Variants in CTNNA3 observed in about 807,000 individuals in gnomAD.
The protein encoded by CTNNA3 is catenin alpha 3, also known as catenin alpha-3.
A neutral mutation model predicts 95.7 loss-of-function variants in CTNNA3; 76 were observed. That is an observed-to-expected ratio of 0.79 (90% confidence interval 0.66 to 0.96). The LOEUF (loss-of-function observed/expected upper bound fraction) is 0.96. Ranked by LOEUF, CTNNA3 falls within the 40% of genes least tolerant of loss-of-function variation. CTNNA3 has a pLI of 0.00. For synonymous variants in CTNNA3, 431 were observed against 374.4 expected (o/e 1.15, Z -1.74); for missense variants, 1,191 against 1,089.8 (o/e 1.09, Z -1.31).
At chr10:66,254,499 C>T (rs567028575) in intron 13 of CTNNA3, among the ~76,000 whole-genome samples, 77 of 152,250 alleles carry the variant, frequency 5.1e-4, no homozygotes, top group African/African-American at 1.8e-3. Flanking sequence ...GAAAATCCAC[C>T]GCTTCACACT....
chr10:66,912,533 G>T (rs1038055738), intron 7 of CTNNA3, among the ~76,000 whole-genome samples: 2 of 152,108 alleles, frequency 1.3e-5, no homozygotes, highest in Non-Finnish European at 2.9e-5. Context: ...ATTTAAGTTT[G>T]CAAAGTTATA....
intron 4 of CTNNA3, among the ~76,000 whole-genome samples, chr10:67,524,658 A>G (rs1450116171): frequency 6.6e-6 from 1 of 152,174 alleles, no homozygotes; most frequent in African/African-American, 2.4e-5. Context: ...TCATTCATTT[A>G]AGCAGTTTTT....
At position 66,130,426 on chromosome 10, in the gene CTNNA3, G is replaced by GTT. The variant is rs201188978; in HGVS notation, c.1885-27179_1885-27178dup. ...CAAAACATCAACAAAATCAGGATCTGTTTTTTTTTTTTGGAAAAATTAATA... is the reference window on the plus strand; with the variant it reads ...CAAAACATCAACAAAATCAGGATCTGTTTTTTTTTTTTTTGGAAAAATTAATA... On this transcript the variant is annotated intron_variant, in intron 13 of 17. Transcript: ENST00000433211. Among the ~76,000 whole-genome samples the GTT allele has an allele frequency of 1.3e-3, 188 of 142,180 alleles. 1 individual carries two copies. Among genetic ancestry groups the GTT allele is most frequent in the South Asian group, 0.011 (49 of 4,550 alleles). The allele number at this position is 142,180 out of a possible 152,430, so 93.3% of individuals were successfully genotyped here.
intron 15 of CTNNA3, among the ~76,000 whole-genome samples, chr10:66,036,327 C>T (rs1399022616): frequency 1.3e-5 from 2 of 152,052 alleles, no homozygotes; most frequent in South Asian, 2.1e-4. Context: ...CTCTAGACGG[C>T]GAAAACCATG....
intron 16 of CTNNA3, among the ~76,000 whole-genome samples, chr10:65,988,377 T>A (rs570276099): frequency 6.6e-6 from 1 of 151,982 alleles, no homozygotes; most frequent in Non-Finnish European, 1.5e-5. Flanking sequence ...GAAAGAAATA[T>A]AATGTATCAA....
rs115176786 is a variant in CTNNA3, at chr10:66,343,238, G to A, written c.1732+35914C>T. Among the ~76,000 whole-genome samples, 1,326 of 152,062 alleles carry A rather than the reference G, an allele frequency of 8.7e-3. 25 individuals carry two copies. The highest frequency in any genetic ancestry group is 0.031 in the African/African-American group (1,275 of 41,502). On this transcript the variant is annotated intron_variant, in intron 12 of 17. Coordinates refer to ENST00000433211, the MANE Select transcript of CTNNA3 (RefSeq NM_013266.4). ...CCTGGTACTGGTAATTTATCCAAAA[G>A]AAATTAAATCATTATATCAAAGAGA...
At chr10:66,360,816 C>CCTTTTTCTTTCTTTCTTT in intron 12 of CTNNA3, among the ~76,000 whole-genome samples, 1 of 50,276 alleles carries the variant, frequency 2.0e-5, no homozygotes, top group South Asian at 1.1e-3. Flanking sequence ...TTCCTTCCTT[C>CCTTTTTCTTTCTTTCTTT]CTTTCTTTCT....
At chr10:66,500,323 T>A (rs1337531165) in intron 11 of CTNNA3, among the ~76,000 whole-genome samples, 1 of 152,108 alleles carries the variant, frequency 6.6e-6, no homozygotes, top group East Asian at 1.9e-4. Context: ...TCACCACACA[T>A]GTTTTTGCTA....
intron 7 of CTNNA3, among the ~76,000 whole-genome samples, chr10:66,780,366 G>A (rs1840479453): frequency 6.7e-6 from 1 of 148,376 alleles, no homozygotes; most frequent in Non-Finnish European, 1.5e-5. Context: ...TGCAATGGCA[G>A]TCAGGATAAA....
At chr10:67,506,425 C>T (rs1224198114) in intron 5 of CTNNA3, among the ~76,000 whole-genome samples, 1 of 152,050 alleles carries the variant, frequency 6.6e-6, no homozygotes, top group Non-Finnish European at 1.5e-5. Context: ...GTTTAGAGAG[C>T]AAAAATAAGT....
intron 7 of CTNNA3, among the ~76,000 whole-genome samples, chr10:66,962,501 C>G (rs1231921852): frequency 2.0e-5 from 3 of 151,936 alleles, no homozygotes; most frequent in Non-Finnish European, 4.4e-5. Flanking sequence ...TCTCCATCTC[C>G]CGGGTTCAAG....
chr10:67,006,950 C>T (rs754575857), intron 7 of CTNNA3, among the ~76,000 whole-genome samples: 6 of 152,106 alleles, frequency 3.9e-5, no homozygotes, highest in Admixed American at 1.3e-4. Context: ...TGTGCCACCA[C>T]GTCCAGCTAA....
intron 9 of CTNNA3, among the ~76,000 whole-genome samples, chr10:66,630,072 C>G (rs2132341151): frequency 6.6e-6 from 1 of 152,162 alleles, no homozygotes; most frequent in African/African-American, 2.4e-5. Context: ...AAGCAGGGAC[C>G]ACCCCTGTAT....
In CTNNA3 at chr10:66,515,345, C is replaced by CTCTCTCTCTCTA. The variant is rs558913767; in HGVS notation, c.1531+5271_1531+5272insTAGAGAGAGAGA. On this transcript the variant is annotated intron_variant, in intron 11 of 17. Coordinates refer to ENST00000433211, the MANE Select transcript of CTNNA3 (RefSeq NM_013266.4). ...TCCCTCTCTGTCTCTCTCTCTCTCT[C>CTCTCTCTCTCTA]TATATATATATATAGTATTAGTATT... Among the ~76,000 whole-genome samples the CTCTCTCTCTCTA allele has an allele frequency of 6.2e-3, 921 of 148,980 alleles. 8 individuals are homozygous for CTCTCTCTCTCTA. Among genetic ancestry groups the CTCTCTCTCTCTA allele is most frequent in the African/African-American group, 0.02 (824 of 40,556 alleles).
chr10:67,072,171 C>G (rs1381169408), intron 7 of CTNNA3, among the ~76,000 whole-genome samples: 1 of 152,162 alleles, frequency 6.6e-6, no homozygotes, highest in Non-Finnish European at 1.5e-5. Context: ...TCAGGCTGGT[C>G]TCGAACTGCT....
intron 7 of CTNNA3, among the ~76,000 whole-genome samples, chr10:66,852,501 AC>A (rs535698360): frequency 6.0e-4 from 92 of 152,320 alleles, no homozygotes; most frequent in African/African-American, 2.1e-3. Flanking sequence ...AGGTACAGGA[AC>A]AAAAATTTGA....
chr10:66,142,072 C>T (rs3858141), intron 13 of CTNNA3, among the ~76,000 whole-genome samples: 26,611 of 152,042 alleles, frequency 0.18, 2,776 homozygotes, highest in South Asian at 0.4. Context: ...GTACCTAAAA[C>T]GTCTTTGCCA....
rs2076989555 is a variant in CTNNA3 at position 65,915,086 on chromosome 10, A to G, written c.*5244T>C. On this transcript the variant is annotated 3_prime_UTR_variant, in exon 18 of 18. Coordinates refer to ENST00000433211, the MANE Select transcript of CTNNA3 (RefSeq NM_013266.4). ...CACTATTTGTTTTGTTATATGGTGT[A>G]TCCTAAGAACCTAGAACAGTGCCTG... 1 of 152,114 alleles carries G rather than the reference A, an allele frequency of 6.6e-6. No homozygotes were observed. Among genetic ancestry groups the G allele is most frequent in the Non-Finnish European group, 1.5e-5 (1 of 67,996 alleles). 9.4% of individuals were successfully genotyped at this position (152,114 alleles called of 1,614,324 possible).
intron 5 of CTNNA3, among the ~76,000 whole-genome samples, chr10:67,515,624 C>A (rs1345881673): frequency 1.3e-5 from 2 of 152,096 alleles, no homozygotes. Flanking sequence ...TTTATTTGAT[C>A]TGGTAAATAA....
Sources: gnomAD v4.1 joint callset for allele counts (sites outside exome capture counted in the v4.1 genomes callset) on GRCh38, gnomAD v4.1.1 for gene constraint, MANE v1.5 for transcripts, NCBI Gene and HGNC (gene_info 2026-07-23, HGNC 2026-07-21) for gene names.